DOCK8: variants seen among roughly 807,000 people sequenced by gnomAD.
The protein encoded by DOCK8 is dedicator of cytokinesis protein 8.
DOCK8 carries 141 observed loss-of-function variants against 245.6 expected under a neutral mutation model. The observed-to-expected ratio is 0.57, with a 90% CI of 0.50 to 0.66. The LOEUF (loss-of-function observed/expected upper bound fraction) is 0.66, where lower values mean the gene tolerates loss of function less well. Among genes scored for constraint, DOCK8 ranks in the 30% least tolerant of loss-of-function variants. DOCK8 has a pLI of 0.00. For synonymous variants in DOCK8, 1,168 were observed against 970.2 expected, an observed-to-expected ratio of 1.20 and a Z score of -3.79; for missense variants, 2,965 against 2,603.4, an observed-to-expected ratio of 1.14 and a Z score of -3.02.
intron 14 of DOCK8, among the ~76,000 whole-genome samples, chr9:341,957 G>A (rs1467395294): frequency 1.3e-5 from 2 of 152,166 alleles, no homozygotes; most frequent in Admixed American, 1.3e-4. Flanking sequence ...AGAATCTAAT[G>A]CCTGATATTC....
intron 39 of DOCK8, among the ~76,000 whole-genome samples, chr9:436,084 C>G (rs1166632964): frequency 6.6e-6 from 1 of 152,202 alleles, no homozygotes; most frequent in Non-Finnish European, 1.5e-5. Context: ...CTTCCCCAGG[C>G]TTAGAGAATA....
intron 2 of DOCK8, chr9:272,861 T>G (rs569836790): frequency 6.0e-6 from 1 of 166,866 alleles, no homozygotes; most frequent in East Asian, 1.9e-4. Context: ...CAGCAGTGAA[T>G]ATTCACTTCC....
At chr9:446,841 AGTAT>A (rs2057278994) in intron 44 of DOCK8, among the ~76,000 whole-genome samples, 1 of 151,876 alleles carries the variant, frequency 6.6e-6, no homozygotes, top group Non-Finnish European at 1.5e-5. Flanking sequence ...TTATATCTTT[AGTAT>A]AAGTGTGTTT....
chr9:379,447 G>C (rs368892813), intron 20 of DOCK8, among the ~76,000 whole-genome samples: 8 of 152,166 alleles, frequency 5.3e-5, no homozygotes, highest in Non-Finnish European at 1.0e-4. Flanking sequence ...GATAGTGGTC[G>C]TGTGTGTCCG....
Position 377,074 on chromosome 9 carries a change from C to T in DOCK8, c.2303C>T (p.Ala768Val), listed in dbSNP as rs140779178. ...CTGGATCAGAAAATCAGCGAGATGG[C>T]GCTGGAGCATGAGCTGAAGCTCAGC... ...RVLDQKISEM[A>V]LEHELKLSII... Residue 768 changes from alanine (A) to valine (V), a missense_variant, in exon 20 of 48, where the codon GCG (alanine) becomes GTG (valine). By Grantham distance (64) the Ala-to-Val change is moderately conservative. Coordinates refer to ENST00000432829, the MANE Select transcript of DOCK8 (RefSeq NM_203447.4). 1.7e-5 allele frequency: 27 copies of T among 1,613,220 alleles called. No homozygotes were observed. The highest frequency in any genetic ancestry group is 9.3e-5 in the African/African-American group (7 of 75,042).
intron 24 of DOCK8, among the ~76,000 whole-genome samples, chr9:392,532 G>T (rs1278398251): frequency 3.3e-5 from 5 of 152,202 alleles, no homozygotes. Context: ...GGCCAGCATT[G>T]TGCATTTACC....
At chr9:248,414 T>A (rs1205289688) in intron 1 of DOCK8, among the ~76,000 whole-genome samples, 1 of 152,072 alleles carries the variant, frequency 6.6e-6, no homozygotes, top group Admixed American at 6.6e-5. Flanking sequence ...AGTGTTCTCT[T>A]TCTTTTATTT....
chr9:402,964 A>G lies in DOCK8; in HGVS notation c.3235-1954A>G, dbSNP rs555274283. On this transcript the variant is annotated intron_variant, in intron 26 of 47. Coordinates refer to ENST00000432829, the MANE Select transcript of DOCK8 (RefSeq NM_203447.4). Reference sequence around the variant, plus strand: ...GAGTGCAGTGGCACAATTTTGGCTCACTGCAAACTCCGCCTCACAGGTTCA... The same window carrying G: ...GAGTGCAGTGGCACAATTTTGGCTCGCTGCAAACTCCGCCTCACAGGTTCA... 1.3e-3 allele frequency among the ~76,000 whole-genome samples: 200 copies of G among 152,274 alleles called. 1 individual carries two copies. The highest frequency in any genetic ancestry group is 4.7e-3 in the African/African-American group (197 of 41,554).
At chr9:397,902 C>G (rs1324129420) in intron 25 of DOCK8, among the ~76,000 whole-genome samples, 1 of 152,130 alleles carries the variant, frequency 6.6e-6, no homozygotes, top group Non-Finnish European at 1.5e-5. Context: ...TTGTACTATT[C>G]TTGCACCTTT....
chr9:309,737 C>T (rs1406573375), intron 5 of DOCK8, among the ~76,000 whole-genome samples: 1 of 152,188 alleles, frequency 6.6e-6, no homozygotes, highest in Non-Finnish European at 1.5e-5. Context: ...GTGTTGCCCA[C>T]TCCCACATCG....
intron 14 of DOCK8, among the ~76,000 whole-genome samples, chr9:358,354 A>G (rs895050392): frequency 1.6e-4 from 25 of 152,164 alleles, no homozygotes; most frequent in Non-Finnish European, 3.5e-4. Context: ...TTGACCTCCC[A>G]AAGTGCTGGG....
At chr9:407,168 A>T in intron 28 of DOCK8, 99 bp downstream of exon 28, 1 of 1,537,424 alleles carries the variant, frequency 6.5e-7, no homozygotes. Flanking sequence ...AAAAAACTCT[A>T]CTGTAGTTGA....
chr9:402,565 C>T (rs1485150523), intron 26 of DOCK8, among the ~76,000 whole-genome samples: 1 of 152,154 alleles, frequency 6.6e-6, no homozygotes, highest in African/African-American at 2.4e-5. Context: ...TTCATTGATC[C>T]CAGCTCTCTA....
At chr9:294,105 A>C (rs1224339961) in intron 4 of DOCK8, among the ~76,000 whole-genome samples, 1 of 152,256 alleles carries the variant, frequency 6.6e-6, no homozygotes, top group Non-Finnish European at 1.5e-5. Context: ...CATTTCTTTA[A>C]AATAACTGTC....
intron 5 of DOCK8, among the ~76,000 whole-genome samples, chr9:306,237 A>G (rs2049820502): frequency 6.6e-6 from 1 of 152,160 alleles, no homozygotes; most frequent in African/African-American, 2.4e-5. Flanking sequence ...TTTTTCAGAC[A>G]AGGTGGTCCC....
chr9:234,894 A>G (rs2047209534), intron 1 of DOCK8, among the ~76,000 whole-genome samples: 1 of 151,636 alleles, frequency 6.6e-6, no homozygotes, highest in African/African-American at 2.4e-5. Flanking sequence ...TCTTCTCTCA[A>G]CTCATCAAAG....
chr9:443,272 A>G (rs2057149486), intron 42 of DOCK8, among the ~76,000 whole-genome samples, 155 bp from the exon 43 acceptor site: 1 of 152,232 alleles, frequency 6.6e-6, no homozygotes, highest in African/African-American at 2.4e-5. Context: ...GTCTTAGGAA[A>G]TGCTGAACTT....
At chr9:426,829 TG>T in intron 33 of DOCK8, 55 bp from the exon 34 acceptor site, 1 of 1,427,324 alleles carries the variant, frequency 7.0e-7, no homozygotes, top group Non-Finnish European at 9.9e-7. Flanking sequence ...ATTGCCATCA[TG>T]GGAACCTGGC....
intron 46 of DOCK8, among the ~76,000 whole-genome samples, chr9:453,188 A>G (rs1001751443): frequency 1.3e-5 from 2 of 152,200 alleles, no homozygotes; most frequent in Non-Finnish European, 1.5e-5. Flanking sequence ...CAGGAGACAC[A>G]CTGTGCCCTG....
Sources: allele counts gnomAD v4.1 joint callset (sites outside exome capture counted in the v4.1 genomes callset), GRCh38; gene constraint gnomAD v4.1.1; transcripts MANE v1.5; gene names NCBI Gene and HGNC (gene_info 2026-07-23, HGNC 2026-07-21).